VSTM4: variants seen among roughly 807,000 people sequenced by gnomAD.
The protein encoded by VSTM4 is V-set and transmembrane domain-containing protein 4.
Under a neutral mutation model 36.4 loss-of-function variants are expected in VSTM4, and 20 were observed. The observed-to-expected ratio is 0.55, with a 90% CI of 0.39 to 0.80. VSTM4 has a LOEUF of 0.80. Ranked by LOEUF, VSTM4 falls within the 30% of genes least tolerant of loss-of-function variation. VSTM4 has a pLI of 0.00. For synonymous variants in VSTM4, 182 were observed against 173.9 expected (o/e 1.05, Z -0.37); for missense variants, 392 against 404.5 (o/e 0.97, Z 0.26).
intron 2 of VSTM4, among the ~76,000 whole-genome samples, chr10:49,098,493 C>T (rs768963403): frequency 6.6e-6 from 1 of 152,202 alleles, no homozygotes; most frequent in Non-Finnish European, 1.5e-5. Context: ...ATTTCAAGCT[C>T]GTGCAACTAC....
At chr10:49,023,954 G>A (rs563964592) in intron 7 of VSTM4, among the ~76,000 whole-genome samples, 6 of 152,292 alleles carry the variant, frequency 3.9e-5, no homozygotes, top group African/African-American at 1.4e-4. Context: ...GACCCGGACC[G>A]AGTTTTACAT....
chr10:49,036,954 C>T (rs968985878), intron 7 of VSTM4, among the ~76,000 whole-genome samples: 1 of 152,184 alleles, frequency 6.6e-6, no homozygotes, highest in Non-Finnish European at 1.5e-5. Flanking sequence ...TTACTGTGGA[C>T]TGTAAGCTTG....
At chr10:49,038,732 T>C (rs1474170677) in intron 7 of VSTM4, among the ~76,000 whole-genome samples, 2 of 152,146 alleles carry the variant, frequency 1.3e-5, no homozygotes, top group Non-Finnish European at 2.9e-5. Context: ...TTGAGGTGCC[T>C]GTGGGCCCTC....
At chr10:49,068,371 G>A (rs1337040781) in intron 4 of VSTM4, among the ~76,000 whole-genome samples, 1 of 152,198 alleles carries the variant, frequency 6.6e-6, no homozygotes, top group Non-Finnish European at 1.5e-5. Context: ...GCAGGGAACA[G>A]TAGAGCAGCT....
At chr10:49,056,910 T>C (rs967042059) in intron 5 of VSTM4, among the ~76,000 whole-genome samples, 5 of 152,110 alleles carry the variant, frequency 3.3e-5, no homozygotes, top group African/African-American at 4.8e-5. Flanking sequence ...GGAAGCACGG[T>C]GCTGGCATCT....
chr10:49,027,422 T>C (rs1443437206), intron 7 of VSTM4, among the ~76,000 whole-genome samples: 2 of 152,214 alleles, frequency 1.3e-5, no homozygotes, highest in Non-Finnish European at 2.9e-5. Context: ...GTGTCTCCGA[T>C]GACATAATGG....
intron 5 of VSTM4, among the ~76,000 whole-genome samples, chr10:49,056,428 T>C (rs182563576): frequency 6.6e-6 from 1 of 152,322 alleles, no homozygotes; most frequent in African/African-American, 2.4e-5. Flanking sequence ...GGTAAGGCTG[T>C]ATTTGGGTGG....
In VSTM4 at chr10:49,115,520, A is replaced by G. The variant is rs1256812409; in HGVS notation, c.-35T>C. 21 of 979,740 alleles carry G rather than the reference A, an allele frequency of 2.1e-5. No individual in the cohort carries two copies. Among genetic ancestry groups the G allele is most frequent in the Non-Finnish European group, 2.5e-5 (21 of 827,666 alleles). 60.7% of individuals were successfully genotyped at this position (979,740 alleles called of 1,614,324 possible). ...GCCGCCCGGCGCTGTGACGCGGGAG[A>G]GCGCCGCCGCCTGGCCCGGCCGCCG... is the stretch of plus-strand genomic sequence containing the variant. On this transcript the variant is annotated 5_prime_UTR_variant, in exon 1 of 8. Transcript: ENST00000332853.
chr10:49,091,123 A>G (rs2132007316), intron 2 of VSTM4, among the ~76,000 whole-genome samples: 1 of 152,338 alleles, frequency 6.6e-6, no homozygotes, highest in Non-Finnish European at 1.5e-5. Flanking sequence ...GTGGGTTTTT[A>G]TATCTGATGG....
chr10:49,070,048 C>G (rs1171584073), intron 4 of VSTM4, among the ~76,000 whole-genome samples: 1 of 63,278 alleles, frequency 1.6e-5, no homozygotes, highest in East Asian at 3.7e-4. Flanking sequence ...GTCAGGAGAT[C>G]GAGACCATCC....
chr10:49,040,470 G>C (rs1843503718), intron 7 of VSTM4, among the ~76,000 whole-genome samples: 2 of 151,742 alleles, frequency 1.3e-5, no homozygotes, highest in East Asian at 3.9e-4. Context: ...AATTTTTGAG[G>C]AGACGAGGTT....
intron 7 of VSTM4, among the ~76,000 whole-genome samples, chr10:49,026,151 A>T (rs1056092689): frequency 1.3e-5 from 2 of 152,178 alleles, no homozygotes; most frequent in African/African-American, 4.8e-5. Flanking sequence ...TAAGACAGAG[A>T]GGCAACATGA....
At chr10:49,071,551 G>A (rs1247432769) in intron 4 of VSTM4, among the ~76,000 whole-genome samples, 1 of 152,222 alleles carries the variant, frequency 6.6e-6, no homozygotes, top group African/African-American at 2.4e-5. Flanking sequence ...CGCCCTTAGA[G>A]GCAAAGCAGT....
At chr10:49,051,528 G>A (rs1324751883) in intron 5 of VSTM4, among the ~76,000 whole-genome samples, 2 of 151,482 alleles carry the variant, frequency 1.3e-5, no homozygotes, top group East Asian at 1.9e-4. Flanking sequence ...CCCGAGTACC[G>A]GGGATTACAG....
chr10:49,086,048 C>T, intron 2 of VSTM4, 25 bp from the exon 3 acceptor site: 2 of 1,516,778 alleles, frequency 1.3e-6, no homozygotes, highest in African/African-American at 1.4e-5. Flanking sequence ...AGAAACAGCA[C>T]AGTATGAAAA....
chr10:49,047,998 A>C (rs189782481), intron 6 of VSTM4, among the ~76,000 whole-genome samples: 151 of 152,268 alleles, frequency 9.9e-4, no homozygotes, highest in Admixed American at 5.1e-3. Flanking sequence ...CATTGCTCTA[A>C]ATCATAACTG....
chr10:49,067,204 ATGAT>A (rs143787266), intron 4 of VSTM4, among the ~76,000 whole-genome samples: 15,502 of 152,196 alleles, frequency 0.1, 2,392 homozygotes, highest in African/African-American at 0.34. Flanking sequence ...CAACAAAAAA[ATGAT>A]TGAGTGCATA....
Position 49,019,525 on chromosome 10 carries a change from T to C in VSTM4, c.*125A>G. 7.3e-7 allele frequency: 1 copy of C among 1,370,954 alleles called. No homozygotes were observed. Among genetic ancestry groups the C allele is most frequent in the Non-Finnish European group, 9.5e-7 (1 of 1,047,144 alleles). 84.9% of individuals were successfully genotyped at this position (1,370,954 alleles called of 1,614,324 possible). A position where few individuals can be genotyped will look rare whatever the true frequency, so the allele number is the denominator to read the frequency against. On this transcript the variant is annotated 3_prime_UTR_variant, in exon 8 of 8. Coordinates refer to ENST00000332853, the MANE Select transcript of VSTM4 (RefSeq NM_001031746.5). ...TCTTCAAAGGCACCCAGAATGCTGC[T>C]GAAAAGGGGCTCCCCACCACTCAGA...
At chr10:49,091,246 C>T (rs377094339) in intron 2 of VSTM4, among the ~76,000 whole-genome samples, 1 of 152,156 alleles carries the variant, frequency 6.6e-6, no homozygotes, top group South Asian at 2.1e-4. Context: ...TGGGCAGAGC[C>T]CATGAGAGTT....
Sources: gnomAD v4.1 joint callset for allele counts (sites outside exome capture counted in the v4.1 genomes callset) on GRCh38, gnomAD v4.1.1 for gene constraint, MANE v1.5 for transcripts, NCBI Gene and HGNC (gene_info 2026-07-23, HGNC 2026-07-21) for gene names.